MDGA2: variants seen among roughly 807,000 people sequenced by gnomAD.
MDGA2 encodes the protein MAM domain-containing glycosylphosphatidylinositol anchor protein 2.
MDGA2 carries 40 observed loss-of-function variants against 117.8 expected under a neutral mutation model. The ratio of observed to expected loss-of-function variants is 0.34; its 90% CI spans 0.26 to 0.44. The LOEUF is 0.44. Among genes scored for constraint, MDGA2 ranks in the 20% least tolerant of loss-of-function variants. MDGA2 has a pLI of 1.00. For missense variants in MDGA2, 1,123 were observed against 1,250.6 expected, an observed-to-expected ratio of 0.90 and a Z score of 1.54; for synonymous variants, 452 against 439.0, an observed-to-expected ratio of 1.03 and a Z score of -0.37.
intron 6 of MDGA2, among the ~76,000 whole-genome samples, chr14:47,074,298 C>G (rs1308840027): frequency 6.7e-6 from 1 of 148,990 alleles, no homozygotes; most frequent in Non-Finnish European, 1.5e-5. Flanking sequence ...TCACCAGTAA[C>G]AGAACTTTTT....
intron 1 of MDGA2, among the ~76,000 whole-genome samples, chr14:47,534,059 C>G (rs1895156335): frequency 6.6e-6 from 1 of 151,742 alleles, no homozygotes; most frequent in Non-Finnish European, 1.5e-5. Flanking sequence ...GTGTAGGGAG[C>G]CTCATGTAAC....
intron 15 of MDGA2, 25 bp downstream of exon 15, chr14:46,854,985 CATTTACAGCAATTA>C (rs1881210856): frequency 6.5e-7 from 1 of 1,530,964 alleles, no homozygotes; most frequent in Admixed American, 2.0e-5. Flanking sequence ...ATATTATGCT[CATTTACAGCAATTA>C]ATTAGCCAAA....
chr14:47,557,585 G>C (rs930471560), intron 1 of MDGA2, among the ~76,000 whole-genome samples: 1 of 152,076 alleles, frequency 6.6e-6, no homozygotes, highest in African/African-American at 2.4e-5. Context: ...ATGTTAAAAA[G>C]CTTGAGTCAA....
intron 3 of MDGA2, among the ~76,000 whole-genome samples, chr14:47,207,270 G>A (rs1163747405): frequency 6.6e-6 from 1 of 151,850 alleles, no homozygotes; most frequent in Non-Finnish European, 1.5e-5. Flanking sequence ...AGGAGGATGA[G>A]GAATTTAATT....
chr14:46,860,660 T>C lies in MDGA2; in HGVS notation c.2753-5506A>G, dbSNP rs1468716491. ...TTTAATTTCCAAACCATATTGTTTT[T>C]TTCTGTTGTTTTGTTTCCAATGTCA... On this transcript the variant is annotated intron_variant, in intron 14 of 16. Transcript: ENST00000399232. 6.6e-5 allele frequency among the ~76,000 whole-genome samples: 10 copies of C among 152,012 alleles called. 1 individual carries two copies. The East Asian group carries it at 1.9e-3, about 29-fold the overall frequency.
intron 3 of MDGA2, among the ~76,000 whole-genome samples, chr14:47,156,643 T>C (rs1883401079): frequency 6.6e-6 from 1 of 152,216 alleles, no homozygotes; most frequent in African/African-American, 2.4e-5. Flanking sequence ...CACCATTTGG[T>C]CCAATTTTTC....
intron 1 of MDGA2, among the ~76,000 whole-genome samples, chr14:47,576,833 C>T (rs527263358): frequency 1.9e-4 from 29 of 152,256 alleles, no homozygotes; most frequent in African/African-American, 5.5e-4. Flanking sequence ...ACTGCAGCCT[C>T]GACCTCCCAG....
At chr14:46,871,692 C>G (rs921735146) in intron 14 of MDGA2, 1 of 160,278 alleles carries the variant, frequency 6.2e-6, no homozygotes, top group Non-Finnish European at 1.4e-5. Context: ...TTAACTTAAA[C>G]TACAGCTTTC....
At chr14:46,896,524 CT>C (rs1239463072) in intron 10 of MDGA2, among the ~76,000 whole-genome samples, 1 of 151,838 alleles carries the variant, frequency 6.6e-6, no homozygotes, top group Non-Finnish European at 1.5e-5. Flanking sequence ...GCAGAGTAAA[CT>C]TTTTATATTA....
chr14:47,659,421 T>C (rs898381239), intron 1 of MDGA2, among the ~76,000 whole-genome samples: 1 of 152,222 alleles, frequency 6.6e-6, no homozygotes, highest in African/African-American at 2.4e-5. Context: ...GCTAAAAATA[T>C]TCTTAGAACA....
At chr14:47,368,932 T>C (rs1382442617) in intron 1 of MDGA2, among the ~76,000 whole-genome samples, 1 of 152,124 alleles carries the variant, frequency 6.6e-6, no homozygotes, top group East Asian at 1.9e-4. Context: ...CCTAAACACA[T>C]TGCATGAATT....
intron 2 of MDGA2, among the ~76,000 whole-genome samples, chr14:47,225,957 A>G (rs899111830): frequency 6.6e-6 from 1 of 152,056 alleles, no homozygotes; most frequent in South Asian, 2.1e-4. Flanking sequence ...ATATTTCTGC[A>G]AGATATATGC....
At chr14:47,286,835 A>ATG (rs1555370166) in intron 2 of MDGA2, among the ~76,000 whole-genome samples, 13 of 117,568 alleles carry the variant, frequency 1.1e-4, no homozygotes, top group African/African-American at 2.8e-4. Flanking sequence ...ACATATATAT[A>ATG]TGTATATATA....
At chr14:47,160,435 T>A (rs995495029) in intron 3 of MDGA2, among the ~76,000 whole-genome samples, 1 of 152,190 alleles carries the variant, frequency 6.6e-6, no homozygotes, top group Non-Finnish European at 1.5e-5. Context: ...GGCTCATGCC[T>A]ATAATCCCAG....
At chr14:47,176,474 C>A (rs1475092815) in intron 3 of MDGA2, among the ~76,000 whole-genome samples, 1 of 152,168 alleles carries the variant, frequency 6.6e-6, no homozygotes, top group East Asian at 1.9e-4. Context: ...TGGAACAGAA[C>A]AGAGCCCTCA....
rs112672189 is a variant in MDGA2 at position 47,032,955 on chromosome 14, T to C, written c.1819+2056A>G. ...AGTTTTCCTCTGAGAGGAAATGCAG[T>C]TGGATTATAACCCCTGCTCTGGGAA... On this transcript the variant is annotated intron_variant, in intron 8 of 16. Coordinates refer to ENST00000399232, the MANE Select transcript of MDGA2 (RefSeq NM_001113498.3). Among the ~76,000 whole-genome samples the C allele has an allele frequency of 5.5e-3, 835 of 152,266 alleles. 7 individuals are homozygous for C. Among genetic ancestry groups the C allele is most frequent in the Non-Finnish European group, 9.9e-3 (672 of 68,026 alleles).
chr14:46,984,982 A>G (rs1886810071), intron 8 of MDGA2, among the ~76,000 whole-genome samples: 1 of 152,040 alleles, frequency 6.6e-6, no homozygotes, highest in Non-Finnish European at 1.5e-5. Context: ...AAATATCAGT[A>G]CATTTTTTTC....
intron 3 of MDGA2, among the ~76,000 whole-genome samples, chr14:47,194,946 C>T (rs894765953): frequency 6.6e-6 from 1 of 151,990 alleles, no homozygotes; most frequent in Non-Finnish European, 1.5e-5. Context: ...TTTTCTGTTG[C>T]AATGTATCAT....
intron 15 of MDGA2, among the ~76,000 whole-genome samples, chr14:46,854,758 T>C (rs1359549323): frequency 1.3e-5 from 2 of 151,854 alleles, no homozygotes; most frequent in East Asian, 3.8e-4. Flanking sequence ...TTTATAGAAA[T>C]GGATTACATT....
Sources: gnomAD v4.1 joint callset for allele counts (sites outside exome capture counted in the v4.1 genomes callset) on GRCh38, gnomAD v4.1.1 for gene constraint, MANE v1.5 for transcripts, NCBI Gene and HGNC (gene_info 2026-07-23, HGNC 2026-07-21) for gene names.